Variants in CACNB1 observed in about 807,000 individuals in gnomAD.
CACNB1 encodes voltage-dependent L-type calcium channel subunit beta-1.
A neutral mutation model predicts 71.6 loss-of-function variants in CACNB1; 29 were observed. The ratio of observed to expected loss-of-function variants is 0.40; its 90% CI spans 0.30 to 0.55. The LOEUF (loss-of-function observed/expected upper bound fraction) is 0.55. CACNB1 is among the 20% of genes least tolerant of loss of function. The probability of loss-of-function intolerance (pLI) is 0.38; values close to 1 mark genes in which losing one functional copy is unlikely to be tolerated. For missense variants in CACNB1, 623 were observed against 801.8 expected (o/e 0.78, Z 2.69); for synonymous variants, 300 against 319.6 (o/e 0.94, Z 0.65).
At chr17:39,184,598 TTC>T (rs2045883308) in intron 8 of CACNB1, among the ~76,000 whole-genome samples, 184 bp downstream of exon 8, 1 of 152,024 alleles carries the variant, frequency 6.6e-6, no homozygotes, top group African/African-American at 2.4e-5. Flanking sequence ...TTCTGAGGGT[TTC>T]TTTGGGGGAC....
chr17:39,190,594 C>T (rs1353503686), intron 3 of CACNB1, among the ~76,000 whole-genome samples: 2 of 151,542 alleles, frequency 1.3e-5, no homozygotes, highest in African/African-American at 2.4e-5. Context: ...CACCCAGCTA[C>T]GTTTTGTATT....
intron 3 of CACNB1, 61 bp from the exon 4 acceptor site, chr17:39,187,662 C>T: frequency 2.5e-6 from 4 of 1,577,852 alleles, no homozygotes; most frequent in East Asian, 2.2e-5. Context: ...TAATGTACAA[C>T]TTCCTGACAG....
intron 2 of CACNB1, chr17:39,192,993 A>G (rs148996815): frequency 0.013 from 2,002 of 157,142 alleles, 15 homozygotes; most frequent in Non-Finnish European, 0.021. Flanking sequence ...GAGCCAGGGA[A>G]ACAGACAGGG....
chr17:39,191,843 A>G, intron 2 of CACNB1: 1 of 490,814 alleles, frequency 2.0e-6, no homozygotes, highest in South Asian at 2.7e-5. Flanking sequence ...GCCCAAGGAC[A>G]GCTGCTTGGG....
Position 39,185,876 on chromosome 17 carries a change from T to C in CACNB1, c.628+620A>G. 5 of 1,509,132 alleles carry C rather than the reference T, an allele frequency of 3.3e-6. No homozygotes were observed. In the South Asian group the frequency reaches 3.9e-5, roughly 12 times the overall value. The allele number at this position is 1,509,132 out of a possible 1,614,324, so 93.5% of individuals were successfully genotyped here. A position where few individuals can be genotyped will look rare whatever the true frequency, so the allele number is the denominator to read the frequency against. On this transcript the variant is annotated intron_variant, in intron 6 of 13. Transcript: ENST00000394303. ...CAGGTTGGTACCACATCTGAATCCA[T>C]TACAGCCCCCTTCCCTCCACCAAAG...
intron 1 of CACNB1, chr17:39,195,345 C>T (rs532524040): frequency 1.1e-5 from 2 of 185,234 alleles, no homozygotes; most frequent in South Asian, 1.2e-4. Flanking sequence ...GAGAGGCAGC[C>T]GGCAGTGCTG....
chr17:39,178,011 G>A lies in CACNB1; in HGVS notation c.1119C>T (p.Ala373=), dbSNP rs1325818753. 13 of 1,613,950 alleles carry A rather than the reference G, an allele frequency of 8.1e-6. No individual in the cohort carries two copies. The highest frequency in any genetic ancestry group is 2.2e-5 in the East Asian group (1 of 44,896). The stretch of plus-strand genomic sequence containing the variant: ...GGGGGCACTGTGCCAGCTTTTCCGA[G>A]GCCGCTATTTGGACATTGAGGTGTT... The part of the protein sequence containing the change: ...QSKHLNVQIA[A]SEKLAQCPPE... Residue 373 remains alanine, a synonymous_variant, in exon 12 of 14, where the codon GCC becomes GCT. Coordinates refer to ENST00000394303, the MANE Select transcript of CACNB1 (RefSeq NM_000723.5).
In CACNB1 at chr17:39,177,354, AGGT is replaced by A. The variant is rs749258362; in HGVS notation, c.1325_1327del (p.Asn442_Leu443delinsIle). 1 of 1,613,250 alleles carries A rather than the reference AGGT, an allele frequency of 6.2e-7. No individual in the cohort carries two copies. The highest frequency in any genetic ancestry group is 1.1e-5 in the South Asian group (1 of 90,832). On this transcript the variant is annotated inframe_deletion, in exon 13 of 14. Coordinates refer to ENST00000394303, the MANE Select transcript of CACNB1 (RefSeq NM_000723.5). The stretch of plus-strand genomic sequence containing the variant: ...GAGCGAGGTGAGCACCTGTACCTGG[AGGT>A]TGGAGACAGGGGCAGGGCTGGCAGC...
chr17:39,194,860 C>T lies in CACNB1; in HGVS notation c.171+24G>A, dbSNP rs1309553240. 6.4e-7 allele frequency: 1 copy of T among 1,552,052 alleles called. No homozygotes were observed. Among genetic ancestry groups the T allele is most frequent in the Non-Finnish European group, 8.9e-7 (1 of 1,127,356 alleles). Reference sequence around the variant, plus strand: ...TCTCCACCAACCAGCCACCTCCCTCCTCTCCGCCCAGCCTCCCCATTACCT... The same window carrying T: ...TCTCCACCAACCAGCCACCTCCCTCTTCTCCGCCCAGCCTCCCCATTACCT... On this transcript the variant is annotated intron_variant, in intron 2 of 13. Transcript: ENST00000394303. The surrounding 1 kb of genome is among the most constrained non-coding windows in gnomAD (Gnocchi z 4.6).
At chr17:39,177,824 C>G (rs2045625921) in intron 12 of CACNB1, among the ~76,000 whole-genome samples, 160 bp downstream of exon 12, 1 of 152,138 alleles carries the variant, frequency 6.6e-6, no homozygotes, top group Admixed American at 6.5e-5. Flanking sequence ...TGAACCCAGT[C>G]TTTGACTGAC....
intron 7 of CACNB1, 118 bp from the exon 8 acceptor site, chr17:39,184,982 AG>A: frequency 1.0e-6 from 1 of 965,072 alleles, no homozygotes; most frequent in Non-Finnish European, 1.7e-6. Flanking sequence ...GCCCAGATGT[AG>A]GGATCAGGGT....
Position 39,187,619 on chromosome 17 carries a change from G to C in CACNB1, c.292-18C>G. 1 of 1,614,012 alleles carries C rather than the reference G, an allele frequency of 6.2e-7. No homozygotes were observed. Among genetic ancestry groups the C allele is most frequent in the Non-Finnish European group, 8.5e-7 (1 of 1,179,878 alleles). On this transcript the variant is annotated intron_variant, in intron 3 of 13. Transcript: ENST00000394303. ...GGCTTGGTCTAGAGGAGGCACACAGGGGAGGATGGCAACTAGAGGGCAAAC... is the reference window on the plus strand; with the variant it reads ...GGCTTGGTCTAGAGGAGGCACACAGCGGAGGATGGCAACTAGAGGGCAAAC...
rs774555441 is a variant in CACNB1 at position 39,175,652 on chromosome 17, G to C, written c.1338C>G (p.Pro446=). 1 of 1,560,336 alleles carries C rather than the reference G, an allele frequency of 6.4e-7. No individual in the cohort carries two copies. The highest frequency in any genetic ancestry group is 8.7e-7 in the Non-Finnish European group (1 of 1,152,650). The change falls in exon 14 of 14, where the codon CCC becomes CCG. Residue 446 remains proline, a synonymous_variant. Coordinates refer to ENST00000394303, the MANE Select transcript of CACNB1 (RefSeq NM_000723.5). This position sits in a 1 kb window ranked among gnomAD's most constrained non-coding sequence, Gnocchi z 4.7. ...GTGGCTGGTCCCCGGAAGCAAGGTA[G>C]GGTCCCTGGTTAGCAGACGGACAGC... ...SPAPVSNLQG[P]YLASGDQPLE...
At chr17:39,180,137 C>T (rs912477910) in intron 11 of CACNB1, among the ~76,000 whole-genome samples, 5 of 151,260 alleles carry the variant, frequency 3.3e-5, no homozygotes, top group African/African-American at 2.4e-5. Flanking sequence ...TGGTGGCAGG[C>T]GCCTGTAATC....
chr17:39,176,117 C>T (rs1259878875), intron 13 of CACNB1, among the ~76,000 whole-genome samples: 1 of 152,200 alleles, frequency 6.6e-6, no homozygotes, highest in Admixed American at 6.5e-5. Flanking sequence ...CACACCAAAC[C>T]CCAATCTCAG....
At chr17:39,191,076 A>C (rs9910910) in intron 3 of CACNB1, among the ~76,000 whole-genome samples, 37,689 of 151,678 alleles carry the variant, frequency 0.25, 6,428 homozygotes, top group African/African-American at 0.49. Context: ...TGGCAGCCAG[A>C]GCCTATAGTC....
At position 39,191,613 on chromosome 17, in the gene CACNB1, G is replaced by A. The variant is rs1280594978; in HGVS notation, c.172-20C>T. ...TGAGCCCTGAAAATAGAGAGAGCCA[G>A]ATCAGGGCCATTGCTGCCCCTCCCA... On this transcript the variant is annotated intron_variant, in intron 2 of 13. Coordinates refer to ENST00000394303, the MANE Select transcript of CACNB1 (RefSeq NM_000723.5). The A allele has an allele frequency of 6.2e-7, 1 of 1,606,448 alleles. No homozygotes were observed. The highest frequency in any genetic ancestry group is 2.3e-5 in the East Asian group (1 of 44,256).
chr17:39,191,434 G>A (rs2046078404), intron 3 of CACNB1, 40 bp downstream of exon 3: 4 of 1,568,016 alleles, frequency 2.6e-6, no homozygotes, highest in African/African-American at 1.4e-5. Context: ...AGGACTGGGG[G>A]AAATCATGCC....
chr17:39,181,891 A>G (rs560376219), intron 11 of CACNB1, among the ~76,000 whole-genome samples: 2 of 152,136 alleles, frequency 1.3e-5, no homozygotes, highest in Admixed American at 1.3e-4. Flanking sequence ...GGCCGGGCAC[A>G]GTGGCTCACA....
Sources: allele counts gnomAD v4.1 joint callset (sites outside exome capture counted in the v4.1 genomes callset), GRCh38; gene constraint gnomAD v4.1.1; non-coding constraint Gnocchi (gnomAD v3.1); transcripts MANE v1.5; gene names NCBI Gene and HGNC (gene_info 2026-07-23, HGNC 2026-07-21).